GRM7: variants seen among roughly 807,000 people sequenced by gnomAD.
GRM7 encodes metabotropic glutamate receptor 7.
A neutral mutation model predicts 84.5 loss-of-function variants in GRM7; 35 were observed. That is an observed-to-expected ratio of 0.41 (90% CI 0.32 to 0.55). GRM7 has a LOEUF of 0.55. GRM7 is among the 20% of genes least tolerant of loss of function. The pLI, the probability that GRM7 is intolerant of heterozygous loss-of-function variation, is 0.19. For missense variants in GRM7, 1,003 were observed against 1,194.6 expected, an observed-to-expected ratio of 0.84 and a Z score of 2.36; for synonymous variants, 487 against 455.1, an observed-to-expected ratio of 1.07 and a Z score of -0.89.
At chr3:7,655,206 G>T (rs1699126889) in intron 8 of GRM7, among the ~76,000 whole-genome samples, 1 of 152,202 alleles carries the variant, frequency 6.6e-6, no homozygotes, top group South Asian at 2.1e-4. Context: ...TTACCTTGTT[G>T]TCAAAGGCCT....
chr3:7,279,940 T>C (rs1559549135), intron 2 of GRM7, among the ~76,000 whole-genome samples: 1 of 152,184 alleles, frequency 6.6e-6, no homozygotes, highest in Admixed American at 6.5e-5. Context: ...CAGTAGCCTG[T>C]TCCCTTCCTT....
intron 4 of GRM7, among the ~76,000 whole-genome samples, chr3:7,310,159 C>T (rs569244655): frequency 6.6e-6 from 1 of 152,146 alleles, no homozygotes; most frequent in Admixed American, 6.5e-5. Context: ...CATGGACCAG[C>T]ATAATTTCAT....
At chr3:7,544,947 G>T (rs1693073026) in intron 7 of GRM7, among the ~76,000 whole-genome samples, 1 of 152,142 alleles carries the variant, frequency 6.6e-6, no homozygotes, top group Non-Finnish European at 1.5e-5. Context: ...ATCACTCCTT[G>T]TTAAAAAATG....
At chr3:7,295,164 T>C (rs1366253014) in intron 2 of GRM7, among the ~76,000 whole-genome samples, 1 of 152,230 alleles carries the variant, frequency 6.6e-6, no homozygotes, top group East Asian at 1.9e-4. Context: ...GTATTATCCA[T>C]TTAGAGTTAA....
chr3:7,139,507 C>T (rs1226101641), intron 1 of GRM7, among the ~76,000 whole-genome samples: 1 of 151,854 alleles, frequency 6.6e-6, no homozygotes, highest in African/African-American at 2.4e-5. Flanking sequence ...GTAGAGGAGA[C>T]ACCTTGGATG....
intron 2 of GRM7, among the ~76,000 whole-genome samples, chr3:7,292,235 C>T (rs1282751792): frequency 1.3e-5 from 2 of 152,148 alleles, no homozygotes; most frequent in African/African-American, 2.4e-5. Flanking sequence ...AGTATCCTTC[C>T]TTTCACAGAC....
intron 7 of GRM7, among the ~76,000 whole-genome samples, chr3:7,515,207 A>G (rs1700331867): frequency 2.4e-5 from 2 of 82,380 alleles, no homozygotes. Flanking sequence ...TGAATGTAGA[A>G]GGACAAAAAA....
rs142154290 is a variant in GRM7 at position 7,613,103 on chromosome 3, C to T, written c.2451+33746C>T. On this transcript the variant is annotated intron_variant, in intron 8 of 9. Transcript: ENST00000357716. Reference sequence around the variant, plus strand: ...ACTATCTCCCAACATATTTACCCTTCGAGTTTTCCTGGGAAACACTTTTCA... The same window carrying T: ...ACTATCTCCCAACATATTTACCCTTTGAGTTTTCCTGGGAAACACTTTTCA... Among the ~76,000 whole-genome samples the T allele has an allele frequency of 6.6e-5, 10 of 151,788 alleles. No individual in the cohort carries two copies. In the East Asian group the frequency reaches 1.7e-3, roughly 27 times the overall value.
intron 2 of GRM7, among the ~76,000 whole-genome samples, chr3:7,195,215 A>G (rs1414061101): frequency 6.6e-6 from 1 of 152,150 alleles, no homozygotes; most frequent in Non-Finnish European, 1.5e-5. Flanking sequence ...TTGAGCACTT[A>G]TAATTGCTCT....
At chr3:7,030,101 C>T (rs935796852) in intron 1 of GRM7, among the ~76,000 whole-genome samples, 1 of 151,454 alleles carries the variant, frequency 6.6e-6, no homozygotes, top group African/African-American at 2.4e-5. Context: ...TAAAATATAC[C>T]CAGCAATGAA....
At chr3:7,212,417 G>A (rs1214314071) in intron 2 of GRM7, among the ~76,000 whole-genome samples, 1 of 151,940 alleles carries the variant, frequency 6.6e-6, no homozygotes, top group African/African-American at 2.4e-5. Flanking sequence ...ATTAAGTCCA[G>A]TGATAATTAA....
intron 5 of GRM7, among the ~76,000 whole-genome samples, chr3:7,424,752 C>G (rs1375563780): frequency 6.6e-6 from 1 of 152,156 alleles, no homozygotes; most frequent in Non-Finnish European, 1.5e-5. Context: ...TTTCAGGGAG[C>G]TTTTATTCCA....
intron 4 of GRM7, among the ~76,000 whole-genome samples, chr3:7,322,180 G>A (rs1490331027): frequency 6.6e-6 from 1 of 152,010 alleles, no homozygotes; most frequent in Non-Finnish European, 1.5e-5. Flanking sequence ...AATGATATTA[G>A]TAGTGAACTT....
chr3:6,981,879 G>T (rs1694220471), intron 1 of GRM7, among the ~76,000 whole-genome samples: 1 of 152,174 alleles, frequency 6.6e-6, no homozygotes, highest in African/African-American at 2.4e-5. Flanking sequence ...AGCCACCGTG[G>T]AAAGCAATTC....
At chr3:7,312,079 T>A (rs1415245611) in intron 4 of GRM7, among the ~76,000 whole-genome samples, 1 of 152,158 alleles carries the variant, frequency 6.6e-6, no homozygotes, top group Non-Finnish European at 1.5e-5. Flanking sequence ...AAAGGAGAGC[T>A]GAATATTGAT....
Position 7,112,800 on chromosome 3 carries a change from G to A in GRM7, c.520-33652G>A, listed in dbSNP as rs373427324. ...AATTTTCCTATCCCTCAGAATAGAA[G>A]AAAGGAATTTCAAGGTCATGAGTGA... is the stretch of plus-strand genomic sequence containing the variant. On this transcript the variant is annotated intron_variant, in intron 1 of 9. Coordinates refer to ENST00000357716, the MANE Select transcript of GRM7 (RefSeq NM_000844.4). Among the ~76,000 whole-genome samples the A allele has an allele frequency of 2.6e-5, 4 of 152,290 alleles. No homozygotes were observed. In the East Asian group the frequency reaches 7.7e-4, roughly 29 times the overall value.
chr3:6,998,235 A>C (rs1227890375), intron 1 of GRM7, among the ~76,000 whole-genome samples: 1 of 152,004 alleles, frequency 6.6e-6, no homozygotes, highest in Non-Finnish European at 1.5e-5. Flanking sequence ...AAGGGGCTAC[A>C]GGCCCCATTC....
intron 1 of GRM7, among the ~76,000 whole-genome samples, chr3:7,026,402 T>C (rs2124920370): frequency 6.6e-6 from 1 of 152,328 alleles, no homozygotes; most frequent in African/African-American, 2.4e-5. Flanking sequence ...AAAATGCCTC[T>C]TTGAGGTCCC....
intron 1 of GRM7, among the ~76,000 whole-genome samples, chr3:7,039,189 A>G (rs957247655): frequency 8.5e-5 from 13 of 152,172 alleles, no homozygotes; most frequent in East Asian, 5.8e-4. Flanking sequence ...TGTTTCTTAC[A>G]AGCCTGTGAT....
Sources: gnomAD v4.1 joint callset for allele counts (sites outside exome capture counted in the v4.1 genomes callset) on GRCh38, gnomAD v4.1.1 for gene constraint, MANE v1.5 for transcripts, NCBI Gene and HGNC (gene_info 2026-07-23, HGNC 2026-07-21) for gene names.